PCDH15: variants seen among roughly 807,000 people sequenced by gnomAD.
PCDH15 encodes the protein protocadherin related 15.
Under a neutral mutation model 178.5 loss-of-function variants are expected in PCDH15, and 129 were observed. That is an observed-to-expected ratio of 0.72 (90% CI 0.63 to 0.84). The LOEUF (loss-of-function observed/expected upper bound fraction) is 0.84. PCDH15 is among the 40% of genes least tolerant of loss of function. The probability of loss-of-function intolerance (pLI) is 0.00; values close to 1 mark genes in which losing one functional copy is unlikely to be tolerated. For synonymous variants in PCDH15, 800 were observed against 732.0 expected (o/e 1.09, Z -1.50); for missense variants, 2,230 against 2,099.9 (o/e 1.06, Z -1.21).
At chr10:55,130,220 T>C (rs1019729664) in intron 2 of PCDH15, among the ~76,000 whole-genome samples, 3 of 151,546 alleles carry the variant, frequency 2.0e-5, no homozygotes, top group African/African-American at 4.8e-5. Context: ...ATAGAAGGAG[T>C]GTTGCTTTAG....
chr10:55,019,511 G>A (rs1840271739), intron 2 of PCDH15, among the ~76,000 whole-genome samples: 1 of 151,814 alleles, frequency 6.6e-6, no homozygotes, highest in African/African-American at 2.4e-5. Context: ...AACAACTCAG[G>A]GTCTAGACCT....
chr10:54,280,789 T>C (rs1408324797), intron 8 of PCDH15, among the ~76,000 whole-genome samples: 1 of 151,868 alleles, frequency 6.6e-6, no homozygotes. Flanking sequence ...TTACATTAAG[T>C]AATTGTTCTA....
intron 3 of PCDH15, among the ~76,000 whole-genome samples, chr10:54,468,172 T>C (rs1306334125): frequency 6.6e-6 from 1 of 151,922 alleles, no homozygotes; most frequent in Non-Finnish European, 1.5e-5. Flanking sequence ...TCCACTTTGA[T>C]TTTTTATTAT....
chr10:55,024,444 TATATATATATACACACAC>T (rs1386916231), intron 2 of PCDH15, among the ~76,000 whole-genome samples: 2 of 97,944 alleles, frequency 2.0e-5, no homozygotes, highest in South Asian at 3.5e-4. Context: ...GATAATATAT[TATATATATATACACACAC>T]ATATATATAT....
At chr10:54,761,204 G>GC (rs988133961) in intron 1 of PCDH15, among the ~76,000 whole-genome samples, 4 of 151,830 alleles carry the variant, frequency 2.6e-5, no homozygotes, top group South Asian at 2.1e-4. Context: ...CCTGAATCTT[G>GC]CCCCCCCAAA....
chr10:55,506,832 C>T (rs1341260301), intron 2 of PCDH15, among the ~76,000 whole-genome samples: 1 of 151,258 alleles, frequency 6.6e-6, no homozygotes, highest in Non-Finnish European at 1.5e-5. Context: ...TTTTTAACCC[C>T]AAATCAAATA....
At chr10:54,097,034 A>T (rs1203073524) in intron 15 of PCDH15, among the ~76,000 whole-genome samples, 2 of 151,930 alleles carry the variant, frequency 1.3e-5, no homozygotes, top group Non-Finnish European at 2.9e-5. Flanking sequence ...AAATATAACC[A>T]GATTGAAATG....
Position 54,607,785 on chromosome 10 carries a change from A to G in PCDH15, c.91+56387T>C, listed in dbSNP as rs1489710725. On this transcript the variant is annotated intron_variant, in intron 2 of 37. Transcript: ENST00000644397. ...CTTTAAGGCTTTTACTGTCTACTAC[A>G]AAGAATTTTTATAGATATATGAAGA... The G allele has an allele frequency of 1.6e-5, 8 of 486,422 alleles. No individual in the cohort carries two copies. The Admixed American group carries it at 1.9e-4, about 11-fold the overall frequency. The allele number at this position is 486,422 out of a possible 1,614,324, so 30.1% of individuals were successfully genotyped here.
At chr10:54,753,865 T>TC in intron 1 of PCDH15, among the ~76,000 whole-genome samples, 2 of 95,802 alleles carry the variant, frequency 2.1e-5, no homozygotes, top group East Asian at 4.8e-4. Context: ...TATTGTTTTT[T>TC]TTTTGTTGTT....
At chr10:55,454,545 A>C (rs1307849078) in intron 2 of PCDH15, among the ~76,000 whole-genome samples, 4 of 151,342 alleles carry the variant, frequency 2.6e-5, no homozygotes, top group Non-Finnish European at 5.9e-5. Context: ...TGGGAGGCTG[A>C]GGTGGGCGGA....
intron 26 of PCDH15, among the ~76,000 whole-genome samples, chr10:53,876,880 T>C (rs1386940294): frequency 1.3e-5 from 2 of 152,098 alleles, no homozygotes; most frequent in Non-Finnish European, 2.9e-5. Context: ...AGTGCAACAA[T>C]AATAGAGACA....
At chr10:54,565,528 G>T (rs1565612227) in intron 2 of PCDH15, among the ~76,000 whole-genome samples, 1 of 152,130 alleles carries the variant, frequency 6.6e-6, no homozygotes, top group Non-Finnish European at 1.5e-5. Flanking sequence ...CAACAGGGCT[G>T]CCTAGGGTAT....
At chr10:54,166,616 A>C (rs948619433) in intron 13 of PCDH15, among the ~76,000 whole-genome samples, 1 of 152,156 alleles carries the variant, frequency 6.6e-6, no homozygotes, top group Non-Finnish European at 1.5e-5. Context: ...CTGTATTTGA[A>C]ATATCTCAAT....
At chr10:54,981,477 A>C (rs1338292896) in intron 2 of PCDH15, among the ~76,000 whole-genome samples, 1 of 152,208 alleles carries the variant, frequency 6.6e-6, no homozygotes, top group Non-Finnish European at 1.5e-5. Context: ...ACTACTGGTT[A>C]GTTAACACAG....
intron 3 of PCDH15, among the ~76,000 whole-genome samples, chr10:54,457,196 G>A (rs910552279): frequency 2.0e-5 from 3 of 152,082 alleles, no homozygotes; most frequent in African/African-American, 4.8e-5. Flanking sequence ...TGGTACAAAA[G>A]TATCTATTGT....
intron 3 of PCDH15, among the ~76,000 whole-genome samples, chr10:54,847,390 T>C (rs2131760214): frequency 6.6e-6 from 1 of 152,306 alleles, no homozygotes; most frequent in Admixed American, 6.5e-5. Context: ...TATTTTAATA[T>C]ATTTTGTACA....
chr10:54,492,730 T>A (rs2137167485), intron 3 of PCDH15, among the ~76,000 whole-genome samples: 1 of 152,292 alleles, frequency 6.6e-6, no homozygotes, highest in Non-Finnish European at 1.5e-5. Context: ...ACATAACTTT[T>A]ATTACAGTGT....
chr10:54,186,501 T>C (rs2048483299), intron 11 of PCDH15, among the ~76,000 whole-genome samples: 1 of 151,522 alleles, frequency 6.6e-6, no homozygotes, highest in Non-Finnish European at 1.5e-5. Flanking sequence ...AGATTTCAAA[T>C]AACCTTGAAA....
intron 2 of PCDH15, among the ~76,000 whole-genome samples, chr10:55,483,475 AGTGAGATT>A (rs1167960591): frequency 1.3e-5 from 2 of 151,790 alleles, no homozygotes; most frequent in African/African-American, 2.4e-5. Context: ...AACAGATGCT[AGTGAGATT>A]GTGGAGAAAA....
Sources: gnomAD v4.1 joint callset for allele counts (sites outside exome capture counted in the v4.1 genomes callset) on GRCh38, gnomAD v4.1.1 for gene constraint, MANE v1.5 for transcripts, NCBI Gene and HGNC (gene_info 2026-07-23, HGNC 2026-07-21) for gene names.